The following LRRC63 variants were observed in gnomAD, a reference collection of about 807,000 sequenced individuals.
LRRC63 encodes the protein leucine rich repeat containing 63, also known as leucine-rich repeat-containing protein 63.
Under a neutral mutation model 49.5 loss-of-function variants are expected in LRRC63, and 40 were observed. That is an observed-to-expected ratio of 0.81 (90% CI 0.63 to 1.05). LRRC63 has a LOEUF of 1.05. Among genes scored for constraint, LRRC63 ranks in the 50% least tolerant of loss-of-function variants. The pLI, the probability that LRRC63 is intolerant of heterozygous loss-of-function variation, is 0.00. For synonymous variants in LRRC63, 191 were observed against 221.1 expected (o/e 0.86, Z 1.21); for missense variants, 636 against 663.1 (o/e 0.96, Z 0.45).
chr13:46,254,374 G>A (rs2138543170), intron 7 of LRRC63, among the ~76,000 whole-genome samples: 1 of 152,244 alleles, frequency 6.6e-6, no homozygotes, highest in Middle Eastern at 3.4e-3. Flanking sequence ...TGAAGATGTG[G>A]AAGGATGACA....
chr13:46,246,781 A>ATG (rs2047226269), intron 6 of LRRC63, among the ~76,000 whole-genome samples, 156 bp downstream of exon 6: 1 of 152,170 alleles, frequency 6.6e-6, no homozygotes, highest in Non-Finnish European at 1.5e-5. Flanking sequence ...GAAGCACAAA[A>ATG]TGTACAGTAC....
intron 5 of LRRC63, 44 bp from the exon 6 acceptor site, chr13:46,246,483 C>G (rs2047215962): frequency 2.1e-6 from 2 of 938,292 alleles, no homozygotes; most frequent in Non-Finnish European, 2.9e-6. Flanking sequence ...CTATTTTGTG[C>G]CTTGTTAGTG....
At chr13:46,245,040 C>T (rs1417009027) in intron 5 of LRRC63, among the ~76,000 whole-genome samples, 1 of 152,080 alleles carries the variant, frequency 6.6e-6, no homozygotes, top group Non-Finnish European at 1.5e-5. Context: ...TTATAAAGCT[C>T]TTATGGCTGT....
At chr13:46,260,286 A>T (rs562594943) in intron 7 of LRRC63, among the ~76,000 whole-genome samples, 2 of 152,350 alleles carry the variant, frequency 1.3e-5, no homozygotes, top group South Asian at 4.1e-4. Context: ...ATTGAAAGAT[A>T]GAGCAAATGG....
exon 10 of LRRC63, chr13:46,276,857 T>C (rs1422275224): frequency 2.8e-4 from 45 of 160,054 alleles, no homozygotes; most frequent in African/African-American, 1.2e-3. Context: ...TATATTTATA[T>C]ATATATATAT....
intron 3 of LRRC63, 115 bp downstream of exon 3, chr13:46,228,304 A>G: frequency 1.3e-6 from 1 of 746,428 alleles, no homozygotes; most frequent in Non-Finnish European, 2.1e-6. Context: ...GGAGGATGGA[A>G]TCACCTTTTA....
At chr13:46,255,995 A>G (rs898681693) in intron 7 of LRRC63, among the ~76,000 whole-genome samples, 2 of 152,222 alleles carry the variant, frequency 1.3e-5, no homozygotes, top group African/African-American at 4.8e-5. Context: ...TCTTTCACTC[A>G]ACATACATTT....
chr13:46,231,574 A>T (rs1190195602), intron 4 of LRRC63, among the ~76,000 whole-genome samples: 1 of 151,926 alleles, frequency 6.6e-6, no homozygotes, highest in Non-Finnish European at 1.5e-5. Context: ...CAGTAGGACA[A>T]TCTCAGCTCA....
intron 7 of LRRC63, among the ~76,000 whole-genome samples, chr13:46,255,912 A>G (rs79282371): frequency 0.015 from 2,236 of 152,228 alleles, 64 homozygotes; most frequent in African/African-American, 0.052. Context: ...TTCTAACATC[A>G]TAGACTTATT....
chr13:46,252,699 G>A (rs1363335568), intron 7 of LRRC63, among the ~76,000 whole-genome samples: 1 of 152,038 alleles, frequency 6.6e-6, no homozygotes, highest in African/African-American at 2.4e-5. Context: ...GGATTAAACA[G>A]GAGAGACAAC....
At chr13:46,273,601 T>TAAAAAA (rs66994107) in intron 9 of LRRC63, among the ~76,000 whole-genome samples, 14 of 109,456 alleles carry the variant, frequency 1.3e-4, no homozygotes, top group Non-Finnish European at 1.7e-4. Flanking sequence ...GAATCTGCCT[T>TAAAAAA]AAAAAAAAAA....
At chr13:46,232,364 C>T (rs890098306) in intron 4 of LRRC63, among the ~76,000 whole-genome samples, 2 of 152,174 alleles carry the variant, frequency 1.3e-5, no homozygotes, top group Non-Finnish European at 2.9e-5. Context: ...GAACAAGACT[C>T]CAAGAAACAC....
chr13:46,266,838 T>A, exon 9 of LRRC63: 1 of 1,549,950 alleles, frequency 6.5e-7, no homozygotes. Flanking sequence ...ATTTCACTCA[T>A]CCTTGTTTTT....
rs2046608060 is a variant in LRRC63 at position 46,227,424 on chromosome 13, G to A, written c.86-88G>A. The A allele has an allele frequency of 6.9e-6, 6 of 873,164 alleles. No homozygotes were observed. In the Admixed American group the frequency reaches 2.0e-4, roughly 29 times the overall value. The allele number at this position is 873,164 out of a possible 1,614,324, so 54.1% of individuals were successfully genotyped here. ...TTTTTAGAAGGTGAGAAAGGGGTGA[G>A]TGGGTAAAGAAAAGTGAATGCTAAG... On this transcript the variant is annotated intron_variant, in intron 2 of 9. Coordinates refer to ENST00000595396, the Ensembl canonical transcript of LRRC63.
chr13:46,261,016 TATG>T (rs201647722), intron 7 of LRRC63, among the ~76,000 whole-genome samples: 1,858 of 152,294 alleles, frequency 0.012, 25 homozygotes, highest in Non-Finnish European at 0.018. Context: ...TACTAGGGAT[TATG>T]ATGACTATGA....
chr13:46,234,258 T>C, exon 5 of LRRC63: 1 of 1,550,320 alleles, frequency 6.5e-7, no homozygotes, highest in Non-Finnish European at 8.7e-7. Context: ...TTTAAGACTG[T>C]TGCAGCAACA....
At chr13:46,258,415 C>T (rs1386281329) in intron 7 of LRRC63, among the ~76,000 whole-genome samples, 2 of 150,502 alleles carry the variant, frequency 1.3e-5, no homozygotes, top group Non-Finnish European at 3.0e-5. Flanking sequence ...AGGCGTGAGC[C>T]CCCGCACCCA....
At chr13:46,276,828 G>GTGTGTATA in exon 10 of LRRC63, 2 of 140,030 alleles carry the variant, frequency 1.4e-5, no homozygotes, top group African/African-American at 6.9e-5. Context: ...GTATGTGTGT[G>GTGTGTATA]TATATATATA....
At chr13:46,228,252 T>A in intron 3 of LRRC63, 63 bp downstream of exon 3, 2 of 1,250,344 alleles carry the variant, frequency 1.6e-6, no homozygotes, top group South Asian at 3.1e-5. Context: ...AGAGAAGGCA[T>A]GCAAGCTAAT....
Sources: allele counts gnomAD v4.1 joint callset (sites outside exome capture counted in the v4.1 genomes callset), GRCh38; gene constraint gnomAD v4.1.1; transcripts MANE v1.5; gene names NCBI Gene and HGNC (gene_info 2026-07-23, HGNC 2026-07-21).